MPPED1: variants seen among roughly 807,000 people sequenced by gnomAD.
The protein encoded by MPPED1 is metallophosphoesterase domain containing 1, also known as metallophosphoesterase domain-containing protein 1.
Under a neutral mutation model 36.2 loss-of-function variants are expected in MPPED1, and 16 were observed. That is an observed-to-expected ratio of 0.44 (90% CI 0.30 to 0.67). The LOEUF (loss-of-function observed/expected upper bound fraction) is 0.67. MPPED1 is among the 30% of genes least tolerant of loss of function. The probability of loss-of-function intolerance (pLI) is 0.10; values close to 1 mark genes in which losing one functional copy is unlikely to be tolerated. For synonymous variants in MPPED1, 199 were observed against 191.3 expected, an observed-to-expected ratio of 1.04 and a Z score of -0.33; for missense variants, 307 against 453.4, an observed-to-expected ratio of 0.68 and a Z score of 2.93.
intron 4 of MPPED1, among the ~76,000 whole-genome samples, chr22:43,482,437 C>A (rs1163434998): frequency 1.3e-5 from 2 of 152,114 alleles, no homozygotes; most frequent in African/African-American, 4.8e-5. Context: ...GGCAGTGGTG[C>A]CAGGATGCCC....
At chr22:43,435,814 T>G (rs928960162) in intron 3 of MPPED1, among the ~76,000 whole-genome samples, 1 of 152,068 alleles carries the variant, frequency 6.6e-6, no homozygotes, top group African/African-American at 2.4e-5. Flanking sequence ...CCCAGATCAC[T>G]CCACTGCACT....
chr22:43,438,917 C>T (rs983632412), intron 3 of MPPED1, among the ~76,000 whole-genome samples: 1 of 152,202 alleles, frequency 6.6e-6, no homozygotes, highest in Non-Finnish European at 1.5e-5. Context: ...TCAGCCCCTT[C>T]TCCTGGATGA....
chr22:43,444,578 G>A (rs1354022140), intron 3 of MPPED1, among the ~76,000 whole-genome samples: 1 of 152,004 alleles, frequency 6.6e-6, no homozygotes, highest in Non-Finnish European at 1.5e-5. Context: ...GGCCATGCTG[G>A]TCTTGAACTC....
At chr22:43,416,316 T>TG (rs1250689580) in intron 1 of MPPED1, 1 of 152,246 alleles carries the variant, frequency 6.6e-6, no homozygotes, top group East Asian at 1.9e-4. Context: ...AACATACACT[T>TG]GAACTGATCA....
At chr22:43,500,331 G>GTGGTAA (rs1555904968) in intron 5 of MPPED1, among the ~76,000 whole-genome samples, 3 of 117,290 alleles carry the variant, frequency 2.6e-5, no homozygotes. Flanking sequence ...GATGGTGGTG[G>GTGGTAA]TGGAGGTGGT....
intron 4 of MPPED1, among the ~76,000 whole-genome samples, chr22:43,482,854 G>A (rs750698128): frequency 2.0e-4 from 30 of 152,174 alleles, no homozygotes; most frequent in Non-Finnish European, 3.8e-4. Flanking sequence ...CCCTTTTTGC[G>A]CTTAGCAGGC....
chr22:43,501,874 CTT>C (rs1932745357), intron 5 of MPPED1, among the ~76,000 whole-genome samples: 2 of 152,048 alleles, frequency 1.3e-5, no homozygotes, highest in South Asian at 4.2e-4. Flanking sequence ...TGTGTCTTCT[CTT>C]TATGCCTGTT....
At chr22:43,417,673 G>A (rs1929122729) in intron 1 of MPPED1, 2 of 181,100 alleles carry the variant, frequency 1.1e-5, no homozygotes, top group South Asian at 2.3e-4. Context: ...CTTAGGAAGG[G>A]TTAGTGTGGT....
At chr22:43,432,801 G>A (rs1190671987) in intron 2 of MPPED1, among the ~76,000 whole-genome samples, 2 of 139,976 alleles carry the variant, frequency 1.4e-5, no homozygotes, top group Non-Finnish European at 1.6e-5. Flanking sequence ...AGGAGAGAGA[G>A]AGAAAGGGAG....
intron 3 of MPPED1, among the ~76,000 whole-genome samples, chr22:43,460,263 A>AAC (rs1930907502): frequency 1.1e-5 from 1 of 93,788 alleles, no homozygotes; most frequent in African/African-American, 3.7e-5. Context: ...ACAAACCCAA[A>AAC]CCCCCCCCCC....
chr22:43,501,189 C>T (rs1932723656), intron 5 of MPPED1, among the ~76,000 whole-genome samples: 1 of 152,124 alleles, frequency 6.6e-6, no homozygotes, highest in Non-Finnish European at 1.5e-5. Context: ...GTTTGTTTCA[C>T]CCCCACCTGA....
chr22:43,472,543 G>A (rs1024802672), intron 3 of MPPED1, among the ~76,000 whole-genome samples: 16 of 152,198 alleles, frequency 1.1e-4, no homozygotes, highest in African/African-American at 3.9e-4. Flanking sequence ...AAGTACCAGT[G>A]GCCCCCATGT....
chr22:43,505,769 CT>C lies in MPPED1; in HGVS notation c.*155del, dbSNP rs1265525658. ...CAGGGCCTTGGAACGACTCTTTAGC[CT>C]TCTGTCACCTGGAGTTGGGACCCTG... On this transcript the variant is annotated 3_prime_UTR_variant, in exon 7 of 7. Transcript: ENST00000443721. 3.2e-6 allele frequency: 2 copies of C among 624,066 alleles called. No homozygotes were observed. Among genetic ancestry groups the C allele is most frequent in the Admixed American group, 5.9e-5 (2 of 34,106 alleles). 38.7% of individuals were successfully genotyped at this position (624,066 alleles called of 1,614,324 possible).
At chr22:43,495,991 G>A (rs1465625224) in intron 4 of MPPED1, among the ~76,000 whole-genome samples, 2 of 139,936 alleles carry the variant, frequency 1.4e-5, no homozygotes, top group Non-Finnish European at 3.1e-5. Flanking sequence ...TGGAGATGGT[G>A]GTGGTGGTGG....
rs192683714 is a variant in MPPED1, at chr22:43,437,861, C to T, written c.406+2646C>T. ...TAGGGGTGGGGTGTTGGGAGGAAGA[C>T]ATTGGACCTGAACCTTGAGGTTGAG... On this transcript the variant is annotated intron_variant, in intron 3 of 6. Transcript: ENST00000443721. 2.6e-5 allele frequency among the ~76,000 whole-genome samples: 4 copies of T among 152,248 alleles called. No individual in the cohort carries two copies. The East Asian group carries it at 5.8e-4, about 22-fold the overall frequency.
chr22:43,481,905 C>T (rs1477113774), intron 4 of MPPED1, among the ~76,000 whole-genome samples: 1 of 152,198 alleles, frequency 6.6e-6, no homozygotes, highest in African/African-American at 2.4e-5. Flanking sequence ...CTTACCAAGC[C>T]TTTCAGTCTG....
At chr22:43,482,603 A>T (rs1051815667) in intron 4 of MPPED1, among the ~76,000 whole-genome samples, 1 of 152,194 alleles carries the variant, frequency 6.6e-6, no homozygotes, top group African/African-American at 2.4e-5. Context: ...GCCAAGAGGG[A>T]TAGTCCCCTT....
chr22:43,424,021 T>C (rs1206485866), intron 1 of MPPED1, among the ~76,000 whole-genome samples: 1 of 150,836 alleles, frequency 6.6e-6, no homozygotes, highest in Non-Finnish European at 1.5e-5. Context: ...CATTTCCAAG[T>C]TTCTACAGAG....
intron 3 of MPPED1, among the ~76,000 whole-genome samples, chr22:43,440,386 G>A (rs144062373): frequency 6.6e-6 from 1 of 152,156 alleles, no homozygotes; most frequent in Admixed American, 6.5e-5. Flanking sequence ...AAATGTGCTA[G>A]CATGCAGGCC....
Sources: gnomAD v4.1 joint callset for allele counts (sites outside exome capture counted in the v4.1 genomes callset) on GRCh38, gnomAD v4.1.1 for gene constraint, MANE v1.5 for transcripts, NCBI Gene and HGNC (gene_info 2026-07-23, HGNC 2026-07-21) for gene names.